FYB1: variants seen among roughly 807,000 people sequenced by gnomAD.
FYB1 encodes FYN binding protein 1.
A neutral mutation model predicts 94.1 loss-of-function variants in FYB1; 41 were observed. The ratio of observed to expected loss-of-function variants is 0.44; its 90% CI spans 0.34 to 0.57. The LOEUF (loss-of-function observed/expected upper bound fraction) is 0.57. FYB1 is among the 20% of genes least tolerant of loss of function. FYB1 has a pLI of 0.02. For missense variants in FYB1, 1,050 were observed against 976.8 expected (o/e 1.07, Z -1.00); for synonymous variants, 367 against 353.2 (o/e 1.04, Z -0.44).
intron 2 of FYB1, among the ~76,000 whole-genome samples, chr5:39,177,897 G>A (rs762855781): frequency 4.6e-5 from 7 of 152,136 alleles, no homozygotes; most frequent in Non-Finnish European, 8.8e-5. Flanking sequence ...TTCTCACTCC[G>A]CTTCCCCATC....
intron 3 of FYB1, among the ~76,000 whole-genome samples, chr5:39,146,895 G>A (rs1742701921): frequency 1.3e-5 from 2 of 152,038 alleles, no homozygotes; most frequent in African/African-American, 4.8e-5. Flanking sequence ...AAGAATAAAA[G>A]GAAAAGAAAT....
chr5:39,202,052 C>G lies in FYB1; in HGVS notation c.909G>C (p.Glu303Asp), dbSNP rs752231899. 1 of 1,614,062 alleles carries G rather than the reference C, an allele frequency of 6.2e-7. No homozygotes were observed. Among genetic ancestry groups the G allele is most frequent in the South Asian group, 1.1e-5 (1 of 91,090 alleles). The change falls in exon 2 of 19, where the codon GAG becomes GAC. Residue 303 changes from glutamate to aspartate, a missense_variant. Transcript: ENST00000512982. ...TGGCAGGAGGAGTCCCTGAGGCCAA[C>G]TCTTCCTGATTTATTTTGCTCTGGA... ...NTFQSKINQE[E>D]LASGTPPARF...
At chr5:39,207,556 T>C (rs1748969881) in intron 1 of FYB1, among the ~76,000 whole-genome samples, 1 of 152,218 alleles carries the variant, frequency 6.6e-6, no homozygotes, top group Non-Finnish European at 1.5e-5. Context: ...AAGGCTGAGA[T>C]GGCATGAAGG....
At chr5:39,133,811 TAAC>T (rs368228508) in intron 9 of FYB1, among the ~76,000 whole-genome samples, 176 of 152,188 alleles carry the variant, frequency 1.2e-3, no homozygotes, top group African/African-American at 3.3e-3. Context: ...TTTCAAAAAA[TAAC>T]AACAAATATA....
chr5:39,270,761 G>T lies in FYB1; in HGVS notation c.-28+3642C>A, dbSNP rs6861218. The T allele has an allele frequency of 3.8e-3, 1,778 of 468,828 alleles. 29 individuals carry two copies. The highest frequency in any genetic ancestry group is 0.031 in the African/African-American group (1,597 of 51,148). The allele number at this position is 468,828 out of a possible 1,614,324, so 29.0% of individuals were successfully genotyped here. The stretch of plus-strand genomic sequence containing the variant: ...TCTCAACCCTCAGAGCATTTGTATA[G>T]CTGGCCAGGTTTATCTTGTTATTAT... On this transcript the variant is annotated intron_variant, in intron 1 of 1. Coordinates refer to the FYB1 transcript ENST00000510188.
chr5:39,176,890 A>G (rs1354490604), intron 2 of FYB1, among the ~76,000 whole-genome samples: 2 of 152,198 alleles, frequency 1.3e-5, no homozygotes, highest in Non-Finnish European at 2.9e-5. Flanking sequence ...TAAAACCACA[A>G]CTAGGTTTCA....
chr5:39,201,576 G>T (rs1206353485), intron 2 of FYB1, among the ~76,000 whole-genome samples: 2 of 152,128 alleles, frequency 1.3e-5, no homozygotes, highest in South Asian at 4.2e-4. Context: ...TATCAATGAA[G>T]TGGATGCATT....
At chr5:39,168,392 T>C (rs912349700) in intron 2 of FYB1, among the ~76,000 whole-genome samples, 2 of 152,220 alleles carry the variant, frequency 1.3e-5, no homozygotes, top group African/African-American at 4.8e-5. Context: ...TGACAATTAA[T>C]GAAAAAGTTA....
chr5:39,270,779 G>T, intron 1 of FYB1: 1 of 451,726 alleles, frequency 2.2e-6, no homozygotes, highest in Non-Finnish European at 3.9e-6. Flanking sequence ...GGTTTATCTT[G>T]TTATTATTTT....
intron 1 of FYB1, among the ~76,000 whole-genome samples, chr5:39,257,102 A>G (rs1295552211): frequency 6.6e-6 from 1 of 152,222 alleles, no homozygotes; most frequent in South Asian, 2.1e-4. Context: ...CACTTCTGCC[A>G]GAACTTGCAT....
chr5:39,145,369 A>T (rs533768380), intron 3 of FYB1, among the ~76,000 whole-genome samples: 1 of 152,316 alleles, frequency 6.6e-6, no homozygotes, highest in East Asian at 1.9e-4. Context: ...ATGTTAATAT[A>T]TACACGCAAT....
chr5:39,249,824 C>A (rs1363410809), intron 1 of FYB1, among the ~76,000 whole-genome samples: 1 of 152,160 alleles, frequency 6.6e-6, no homozygotes, highest in Non-Finnish European at 1.5e-5. Context: ...TCATGTGAGC[C>A]ATCAGCAAAG....
intron 2 of FYB1, among the ~76,000 whole-genome samples, chr5:39,183,054 C>G (rs1746404128): frequency 1.3e-5 from 2 of 152,118 alleles, no homozygotes; most frequent in Non-Finnish European, 2.9e-5. Context: ...TGGAGTTTCA[C>G]CCTTGTTGCC....
intron 1 of FYB1, among the ~76,000 whole-genome samples, chr5:39,229,728 G>C (rs149177606): frequency 1.3e-5 from 2 of 152,228 alleles, no homozygotes; most frequent in East Asian, 1.9e-4. Context: ...TTATAGATAA[G>C]GGCAATCAGG....
intron 2 of FYB1, among the ~76,000 whole-genome samples, chr5:39,160,006 C>G (rs1250024618): frequency 6.6e-6 from 1 of 152,130 alleles, no homozygotes; most frequent in African/African-American, 2.4e-5. Context: ...CATGGCCAAA[C>G]TTCTTGGAAA....
At chr5:39,166,457 T>G (rs1021066344) in intron 2 of FYB1, among the ~76,000 whole-genome samples, 4 of 147,820 alleles carry the variant, frequency 2.7e-5, no homozygotes, top group Admixed American at 1.4e-4. Flanking sequence ...AAAAAAGAAA[T>G]AAAGATATCA....
At chr5:39,169,484 A>G in intron 2 of FYB1, 1 of 666,506 alleles carries the variant, frequency 1.5e-6, no homozygotes. Flanking sequence ...CAGACATATT[A>G]ATCGAAGACC....
chr5:39,273,234 G>T (rs1011590508), intron 1 of FYB1, among the ~76,000 whole-genome samples: 1 of 152,248 alleles, frequency 6.6e-6, no homozygotes, highest in African/African-American at 2.4e-5. Context: ...TGAGAAATCG[G>T]ATGGTTGCTG....
At chr5:39,137,743 T>C in intron 6 of FYB1, 23 bp from the exon 7 acceptor site, 1 of 1,550,740 alleles carries the variant, frequency 6.4e-7, no homozygotes, top group South Asian at 1.2e-5. Context: ...ATTGTTAGGT[T>C]GTTTTCACAT....
Sources: gnomAD v4.1 joint callset for allele counts (sites outside exome capture counted in the v4.1 genomes callset) on GRCh38, gnomAD v4.1.1 for gene constraint, MANE v1.5 for transcripts, NCBI Gene and HGNC (gene_info 2026-07-23, HGNC 2026-07-21) for gene names.